Variants in C9orf72 observed in about 807,000 individuals in gnomAD.
C9orf72 encodes the protein C9orf72-SMCR8 complex subunit.
A neutral mutation model predicts 51.6 loss-of-function variants in C9orf72; 44 were observed. The observed-to-expected ratio is 0.85, with a 90% CI of 0.67 to 1.10. C9orf72 has a LOEUF of 1.10. C9orf72 is among the 50% of genes least tolerant of loss of function. The probability of loss-of-function intolerance (pLI) is 0.00; values close to 1 mark genes in which losing one functional copy is unlikely to be tolerated. For missense variants in C9orf72, 607 were observed against 570.6 expected (o/e 1.06, Z -0.65); for synonymous variants, 213 against 194.2 (o/e 1.10, Z -0.81).
chr9:27,562,150 T>C (rs1458482622), intron 4 of C9orf72, among the ~76,000 whole-genome samples: 2 of 152,194 alleles, frequency 1.3e-5, no homozygotes, highest in Admixed American at 6.5e-5. Context: ...ATAAAAGTAA[T>C]GAAATAAACA....
At chr9:27,563,502 T>C (rs1388085207) in intron 3 of C9orf72, among the ~76,000 whole-genome samples, 1 of 152,216 alleles carries the variant, frequency 6.6e-6, no homozygotes, top group Non-Finnish European at 1.5e-5. Context: ...AAATCATACA[T>C]TATTTAAGAT....
At chr9:27,569,222 A>G (rs1424690203) in intron 1 of C9orf72, among the ~76,000 whole-genome samples, 1 of 152,236 alleles carries the variant, frequency 6.6e-6, no homozygotes, top group East Asian at 1.9e-4. Flanking sequence ...AAAAGTTTAC[A>G]AAGTTAAAAA....
chr9:27,569,335 C>T (rs1354544885), intron 1 of C9orf72, among the ~76,000 whole-genome samples: 1 of 152,202 alleles, frequency 6.6e-6, no homozygotes, highest in Non-Finnish European at 1.5e-5. Context: ...TAGGCCTTCA[C>T]ATTAATTCAC....
intron 1 of C9orf72, among the ~76,000 whole-genome samples, chr9:27,572,727 G>T (rs1473643001): frequency 2.6e-5 from 4 of 152,120 alleles, no homozygotes; most frequent in African/African-American, 9.7e-5. Context: ...ATGAGCACAC[G>T]GACATGTAAT....
chr9:27,557,296 G>A (rs1587307712), intron 7 of C9orf72, among the ~76,000 whole-genome samples: 1 of 152,146 alleles, frequency 6.6e-6, no homozygotes, highest in Non-Finnish European at 1.5e-5. Context: ...CAATGAGTAT[G>A]TATTTTTATA....
intron 2 of C9orf72, 72 bp downstream of exon 2, chr9:27,566,605 G>A: frequency 1.9e-6 from 2 of 1,068,052 alleles, no homozygotes; most frequent in Non-Finnish European, 2.7e-6. Context: ...AAAAAAATAA[G>A]ATTTATATGT....
chr9:27,561,724 T>C (rs1445338206), intron 4 of C9orf72, 75 bp from the exon 5 acceptor site: 2 of 926,216 alleles, frequency 2.2e-6, no homozygotes, highest in Non-Finnish European at 3.3e-6. Context: ...AATATACAAG[T>C]TTTCGGAAGT....
Position 27,562,560 on chromosome 9 carries a change from A to G in C9orf72, c.505-84T>C, listed in dbSNP as rs1819376867. 1.2e-5 allele frequency: 7 copies of G among 588,590 alleles called. 1 individual carries two copies. The South Asian group carries it at 2.3e-4, about 20-fold the overall frequency. The allele number at this position is 588,590 out of a possible 1,614,324, so 36.5% of individuals were successfully genotyped here. On this transcript the variant is annotated intron_variant, in intron 3 of 10. Transcript: ENST00000380003. ...ATAAAAAATAAAAATAACATCAAAC[A>G]ATAACATTCTTTGATGAAAATACTT... is the stretch of plus-strand genomic sequence containing the variant.
chr9:27,558,657 G>T, intron 6 of C9orf72, 50 bp from the exon 7 acceptor site: 1 of 912,522 alleles, frequency 1.1e-6, no homozygotes, highest in Non-Finnish European at 1.7e-6. Flanking sequence ...AAAGACCACT[G>T]ATTTGCTTAT....
At chr9:27,568,234 T>A (rs1230881952) in intron 1 of C9orf72, among the ~76,000 whole-genome samples, 1 of 152,020 alleles carries the variant, frequency 6.6e-6, no homozygotes, top group African/African-American at 2.4e-5. Context: ...CATTGAAGTA[T>A]CAAGACAAAG....
At chr9:27,565,158 G>C (rs1270662753) in intron 3 of C9orf72, among the ~76,000 whole-genome samples, 2 of 152,078 alleles carry the variant, frequency 1.3e-5, no homozygotes, top group African/African-American at 4.8e-5. Flanking sequence ...TACCTCAGGG[G>C]TACATATGCT....
At position 27,567,278 on chromosome 9, in the gene C9orf72, T is replaced by C. The variant is rs563181906; in HGVS notation, c.-44-114A>G. The C allele has an allele frequency of 2.6e-4, 161 of 620,040 alleles. No individual in the cohort carries two copies. The South Asian group carries it at 3.1e-3, about 12-fold the overall frequency. The allele number at this position is 620,040 out of a possible 1,614,324, so 38.4% of individuals were successfully genotyped here. ...GTCCTCTTAAGTCAAAGATGTGGAA[T>C]CCTGTTATCTCCTATCAGGATAAAG... On this transcript the variant is annotated intron_variant, in intron 1 of 10. Transcript: ENST00000380003.
chr9:27,548,134 G>T lies in C9orf72; in HGVS notation c.*102C>A. ...ACTTACTTAACTGCAATTGCTGAGAGCAGAATTCTGGAGTATGATCCAGGG... is the reference window on the plus strand; with the variant it reads ...ACTTACTTAACTGCAATTGCTGAGATCAGAATTCTGGAGTATGATCCAGGG... On this transcript the variant is annotated 3_prime_UTR_variant, in exon 11 of 11. Coordinates refer to ENST00000380003, the MANE Select transcript of C9orf72 (RefSeq NM_018325.5). 3 of 832,790 alleles carry T rather than the reference G, an allele frequency of 3.6e-6. No homozygotes were observed. The highest frequency in any genetic ancestry group is 5.5e-6 in the Non-Finnish European group (3 of 545,410). 51.6% of individuals were successfully genotyped at this position (832,790 alleles called of 1,614,324 possible).
chr9:27,566,556 T>C (rs1364290114), intron 2 of C9orf72, 121 bp downstream of exon 2: 3 of 692,924 alleles, frequency 4.3e-6, no homozygotes, highest in Non-Finnish European at 7.1e-6. Flanking sequence ...AAATGCAAAA[T>C]AAATAACATT....
intron 9 of C9orf72, among the ~76,000 whole-genome samples, chr9:27,549,113 A>G (rs1269257229): frequency 2.0e-5 from 3 of 152,214 alleles, no homozygotes; most frequent in Non-Finnish European, 4.4e-5. Context: ...AAGTGCTGGG[A>G]TTACAGGCAT....
chr9:27,550,935 C>T (rs1309038203), intron 8 of C9orf72, among the ~76,000 whole-genome samples: 1 of 152,004 alleles, frequency 6.6e-6, no homozygotes, highest in Admixed American at 6.6e-5. Flanking sequence ...GTTTGTCAGG[C>T]TAATATGTAA....
rs1460897809 is a variant in C9orf72, at chr9:27,547,840, A to AGAATGCCAAAAG, written c.*384_*395dup. On this transcript the variant is annotated 3_prime_UTR_variant, in exon 11 of 11. Transcript: ENST00000380003. The stretch of plus-strand genomic sequence containing the variant: ...GTATTACAGTAATTCTACACACCAA[A>AGAATGCCAAAAG]GAATGCCAAAAGATAGAAAGTCAAC... The AGAATGCCAAAAG allele has an allele frequency of 6.5e-6, 1 of 153,988 alleles. No homozygotes were observed. The highest frequency in any genetic ancestry group is 2.4e-5 in the African/African-American group (1 of 41,554). 9.5% of individuals were successfully genotyped at this position (153,988 alleles called of 1,614,324 possible).
rs191714397 is a variant in C9orf72, at chr9:27,563,684, A to T, written c.505-1208T>A. ...TAAGTTGCTTGAGAATTTAAATGTG[A>T]TGCTACTTCTGGAAGTTTTATCCTA... On this transcript the variant is annotated intron_variant, in intron 3 of 10. Transcript: ENST00000380003. 9.9e-4 allele frequency among the ~76,000 whole-genome samples: 151 copies of T among 152,222 alleles called. 1 individual carries two copies. The highest frequency in any genetic ancestry group is 1.6e-3 in the Non-Finnish European group (109 of 68,008).
At chr9:27,558,388 C>A in intron 7 of C9orf72, 103 bp downstream of exon 7, 2 of 724,944 alleles carry the variant, frequency 2.8e-6, no homozygotes, top group Non-Finnish European at 2.4e-6. Context: ...CTGGGCATGT[C>A]AATATGAGAT....
Sources: gnomAD v4.1 joint callset for allele counts (sites outside exome capture counted in the v4.1 genomes callset) on GRCh38, gnomAD v4.1.1 for gene constraint, MANE v1.5 for transcripts, NCBI Gene and HGNC (gene_info 2026-07-23, HGNC 2026-07-21) for gene names.